Variants in PLEKHG1 observed in about 807,000 individuals in gnomAD.
PLEKHG1 encodes the protein pleckstrin homology domain-containing family G member 1.
Under a neutral mutation model 100.8 loss-of-function variants are expected in PLEKHG1, and 44 were observed. The observed-to-expected ratio is 0.44, with a 90% CI of 0.34 to 0.56. The LOEUF (loss-of-function observed/expected upper bound fraction) is 0.56, where lower values mean the gene tolerates loss of function less well. Among genes scored for constraint, PLEKHG1 ranks in the 20% least tolerant of loss-of-function variants. The probability of loss-of-function intolerance (pLI) is 0.01; values close to 1 mark genes in which losing one functional copy is unlikely to be tolerated. For synonymous variants in PLEKHG1, 640 were observed against 662.5 expected, an observed-to-expected ratio of 0.97 and a Z score of 0.52; for missense variants, 1,545 against 1,720.9, an observed-to-expected ratio of 0.90 and a Z score of 1.81.
At chr6:150,648,478 TAA>T (rs1778587693) in intron 2 of PLEKHG1, among the ~76,000 whole-genome samples, 1 of 152,142 alleles carries the variant, frequency 6.6e-6, no homozygotes, top group African/African-American at 2.4e-5. Context: ...AAGATAAGAA[TAA>T]GTGTTGATCT....
intron 3 of PLEKHG1, among the ~76,000 whole-genome samples, chr6:150,685,989 A>G (rs767013656): frequency 2.0e-4 from 31 of 152,234 alleles, no homozygotes; most frequent in Non-Finnish European, 4.6e-4. Context: ...CTGAATGACT[A>G]TAGCATACAG....
intron 3 of PLEKHG1, among the ~76,000 whole-genome samples, chr6:150,651,541 C>CT (rs960385224): frequency 2.2e-4 from 33 of 152,170 alleles, no homozygotes; most frequent in African/African-American, 7.7e-4. Context: ...GCCCTGTAGT[C>CT]TTTTTTAAAA....
intron 2 of PLEKHG1, among the ~76,000 whole-genome samples, chr6:150,739,677 CA>C (rs898287984): frequency 1.3e-5 from 2 of 149,114 alleles, no homozygotes; most frequent in African/African-American, 2.5e-5. Context: ...AAAAAAAAAA[CA>C]AAAAAACAAA....
chr6:150,691,944 A>C (rs890099456), intron 3 of PLEKHG1, among the ~76,000 whole-genome samples: 3 of 152,258 alleles, frequency 2.0e-5, no homozygotes, highest in Non-Finnish European at 4.4e-5. Context: ...CTTCCAGCCT[A>C]GGCTTGAAGG....
At chr6:150,840,218 C>T in exon 16 of PLEKHG1, 1 of 1,614,230 alleles carries the variant, frequency 6.2e-7, no homozygotes, top group Non-Finnish European at 8.5e-7. Context: ...GGTGTCAGGA[C>T]CATCTTTACA....
intron 2 of PLEKHG1, among the ~76,000 whole-genome samples, chr6:150,748,906 C>T (rs1399014499): frequency 2.0e-5 from 3 of 152,102 alleles, no homozygotes; most frequent in African/African-American, 4.8e-5. Context: ...GGATTACAGG[C>T]GTGAGCCACT....
chr6:150,707,186 G>T (rs1418558350), intron 3 of PLEKHG1, among the ~76,000 whole-genome samples: 1 of 151,400 alleles, frequency 6.6e-6, no homozygotes, highest in African/African-American at 2.4e-5. Flanking sequence ...TATATTTTTA[G>T]TAGAGACGGG....
At position 150,701,466 on chromosome 6, in the gene PLEKHG1, T is replaced by TAAAA. The variant is rs1554261500; in HGVS notation, c.-98-32116_-98-32115insAAAA. Among the ~76,000 whole-genome samples the TAAAA allele has an allele frequency of 1.0e-3, 84 of 84,194 alleles. 1 individual carries two copies. The highest frequency in any genetic ancestry group is 9.4e-3 in the African/African-American group (81 of 8,572). The allele number at this position is 84,194 out of a possible 152,430, so 55.2% of individuals were successfully genotyped here. ...ATATATATATATATATATATATATA[T>TAAAA]AATTATACTTTAAGTTCTAGGGTAC... On this transcript the variant is annotated intron_variant, in intron 3 of 3. Transcript: ENST00000367326.
intron 1 of PLEKHG1, among the ~76,000 whole-genome samples, chr6:150,731,164 G>A (rs1782231299): frequency 6.6e-6 from 1 of 152,182 alleles, no homozygotes; most frequent in African/African-American, 2.4e-5. Context: ...ATACCTAAAT[G>A]CACGGCTGCT....
intron 1 of PLEKHG1, among the ~76,000 whole-genome samples, chr6:150,619,736 TA>T (rs1562387556): frequency 6.6e-6 from 1 of 152,158 alleles, no homozygotes; most frequent in Non-Finnish European, 1.5e-5. Flanking sequence ...TAGCCAGTCA[TA>T]AAAGAAAAAA....
At chr6:150,731,787 A>G (rs1437582525) in intron 1 of PLEKHG1, among the ~76,000 whole-genome samples, 3 of 152,146 alleles carry the variant, frequency 2.0e-5, no homozygotes, top group Admixed American at 6.6e-5. Context: ...CAATTTCTCT[A>G]TGAAATAATG....
upstream of PLEKHG1, among the ~76,000 whole-genome samples, chr6:150,716,278 A>G (rs894018597): frequency 1.3e-5 from 2 of 152,146 alleles, no homozygotes; most frequent in African/African-American, 4.8e-5. Context: ...CAAGATCTTA[A>G]ATTACAAGAT....
At chr6:150,780,818 T>C (rs1186059288) in intron 3 of PLEKHG1, among the ~76,000 whole-genome samples, 1 of 152,150 alleles carries the variant, frequency 6.6e-6, no homozygotes, top group Non-Finnish European at 1.5e-5. Context: ...TTTTCTGAAA[T>C]AGATGATTCT....
At chr6:150,671,142 T>C (rs1779568240) in intron 3 of PLEKHG1, among the ~76,000 whole-genome samples, 1 of 151,674 alleles carries the variant, frequency 6.6e-6, no homozygotes, top group African/African-American at 2.4e-5. Context: ...TATCCACTCA[T>C]TGATTGATGG....
chr6:150,829,759 C>A (rs1005422287), intron 14 of PLEKHG1, among the ~76,000 whole-genome samples: 2 of 152,068 alleles, frequency 1.3e-5, no homozygotes, highest in African/African-American at 4.8e-5. Flanking sequence ...AAATTACACT[C>A]CTACAATAAA....
At chr6:150,727,273 G>A (rs1782005909) in intron 1 of PLEKHG1, among the ~76,000 whole-genome samples, 1 of 152,164 alleles carries the variant, frequency 6.6e-6, no homozygotes. Flanking sequence ...TGCCTCCTAA[G>A]TTTCTCCTTG....
intron 1 of PLEKHG1, chr6:150,624,574 G>T (rs1777434234): frequency 6.6e-6 from 1 of 152,184 alleles, no homozygotes; most frequent in Non-Finnish European, 1.5e-5. Context: ...ATAGCCATCA[G>T]TTCTTCATCC....
chr6:150,834,702 GC>G (rs1192888195), intron 15 of PLEKHG1, among the ~76,000 whole-genome samples: 8 of 152,212 alleles, frequency 5.3e-5, no homozygotes, highest in African/African-American at 1.9e-4. Flanking sequence ...GTCTTGGGAT[GC>G]CCCAGGATCT....
At chr6:150,812,751 C>T (rs1787606057) in intron 10 of PLEKHG1, among the ~76,000 whole-genome samples, 1 of 152,026 alleles carries the variant, frequency 6.6e-6, no homozygotes, top group African/African-American at 2.4e-5. Flanking sequence ...GGAGAGGAGA[C>T]AGTGGCTCAC....
Sources: allele counts gnomAD v4.1 joint callset (sites outside exome capture counted in the v4.1 genomes callset), GRCh38; gene constraint gnomAD v4.1.1; transcripts MANE v1.5; gene names NCBI Gene and HGNC (gene_info 2026-07-23, HGNC 2026-07-21).